ODAD4: variants seen among roughly 807,000 people sequenced by gnomAD.
The protein encoded by ODAD4 is outer dynein arm-docking complex subunit 4.
In ODAD4, 49 loss-of-function variants were observed where a neutral mutation model predicts 51.8. The observed-to-expected ratio is 0.95, with a 90% CI of 0.75 to 1.20. ODAD4 has a LOEUF of 1.20. Ranked by LOEUF, ODAD4 falls within the 50% of genes most tolerant of loss-of-function variation. The probability of loss-of-function intolerance (pLI) is 0.00; values close to 1 mark genes in which losing one functional copy is unlikely to be tolerated. For synonymous variants in ODAD4, 235 were observed against 221.3 expected (o/e 1.06, Z -0.55); for missense variants, 590 against 586.5 (o/e 1.01, Z -0.06).
intron 5 of ODAD4, chr17:41,937,131 C>A: frequency 1.7e-6 from 1 of 580,484 alleles, no homozygotes; most frequent in Non-Finnish European, 3.0e-6. Flanking sequence ...TAGGCAATGA[C>A]ATGGCTTATA....
intron 8 of ODAD4, among the ~76,000 whole-genome samples, chr17:41,946,910 G>A (rs1555639666): frequency 6.6e-6 from 1 of 151,760 alleles, no homozygotes; most frequent in Non-Finnish European, 1.5e-5. Flanking sequence ...GAGTGCAGTG[G>A]CGTGATCTCG....
intron 8 of ODAD4, among the ~76,000 whole-genome samples, chr17:41,948,321 CTTT>C (rs1259244820): frequency 7.2e-6 from 1 of 139,268 alleles, no homozygotes; most frequent in Non-Finnish European, 1.5e-5. Context: ...TCTTTCTTTC[CTTT>C]TTTTTTTTTT....
intron 8 of ODAD4, among the ~76,000 whole-genome samples, chr17:41,947,909 G>A (rs2050609056): frequency 1.3e-5 from 2 of 151,586 alleles, no homozygotes; most frequent in South Asian, 2.1e-4. Flanking sequence ...GCCTGAGGTC[G>A]GGAGTTCAAG....
chr17:41,958,992 C>T (rs553543433), intron 10 of ODAD4, among the ~76,000 whole-genome samples: 52 of 149,382 alleles, frequency 3.5e-4, no homozygotes, highest in Non-Finnish European at 3.5e-4. Flanking sequence ...CCAGCCTGGG[C>T]GACAGAGCGA....
chr17:41,956,602 A>C (rs2050737801), intron 10 of ODAD4, among the ~76,000 whole-genome samples: 1 of 151,644 alleles, frequency 6.6e-6, no homozygotes, highest in African/African-American at 2.4e-5. Flanking sequence ...CTAAAAAATA[A>C]AAAAAATTAG....
At chr17:41,943,907 G>C (rs1385081067) in intron 7 of ODAD4, among the ~76,000 whole-genome samples, 2 of 152,128 alleles carry the variant, frequency 1.3e-5, no homozygotes, top group Non-Finnish European at 2.9e-5. Flanking sequence ...TTTGAGACCA[G>C]CCTAGGAAAC....
At chr17:41,946,324 T>G (rs898310369) in intron 8 of ODAD4, among the ~76,000 whole-genome samples, 4 of 144,664 alleles carry the variant, frequency 2.8e-5, no homozygotes, top group Admixed American at 1.3e-4. Context: ...ATCACTTTTT[T>G]TTGTTTGTTT....
chr17:41,934,038 C>CTTTTTTTTTTTTTTT lies in ODAD4; in HGVS notation c.115-1172_115-1158dup, dbSNP rs782039270. On this transcript the variant is annotated intron_variant, in intron 1 of 11. Coordinates refer to ENST00000377540, the MANE Select transcript of ODAD4 (RefSeq NM_031421.5). ...CCCTTTCTTTCTTTTTTCTTTCTTT[C>CTTTTTTTTTTTTTTT]TTTTTTTTTTTTTTTTTTTTTGAGA... Among the ~76,000 whole-genome samples, 70 of 65,518 alleles carry CTTTTTTTTTTTTTTT rather than the reference C, an allele frequency of 1.1e-3. 1 individual carries two copies. Among genetic ancestry groups the CTTTTTTTTTTTTTTT allele is most frequent in the East Asian group, 2.0e-3 (4 of 2,028 alleles). 43.0% of individuals were successfully genotyped at this position (65,518 alleles called of 152,430 possible). A position where few individuals can be genotyped will look rare whatever the true frequency, so the allele number is the denominator to read the frequency against.
intron 1 of ODAD4, among the ~76,000 whole-genome samples, chr17:41,931,412 G>A (rs2050335438): frequency 6.6e-6 from 1 of 152,066 alleles, no homozygotes; most frequent in Admixed American, 6.6e-5. Context: ...ATGATTAACC[G>A]GCCTCCTTCC....
At chr17:41,935,032 AGTT>A (rs1425134999) in intron 1 of ODAD4, among the ~76,000 whole-genome samples, 182 bp from the exon 2 acceptor site, 1 of 152,062 alleles carries the variant, frequency 6.6e-6, no homozygotes, top group East Asian at 1.9e-4. Flanking sequence ...CGCAGATCGG[AGTT>A]GTTCTGCTTA....
intron 9 of ODAD4, 199 bp from the exon 10 acceptor site, chr17:41,955,018 C>T (rs782577944): frequency 2.5e-5 from 17 of 687,138 alleles, no homozygotes; most frequent in South Asian, 1.3e-4. Context: ...TCCTGGTTCT[C>T]GATGGTGACA....
chr17:41,935,488 T>C, intron 2 of ODAD4, 111 bp from the exon 3 acceptor site: 2 of 1,507,890 alleles, frequency 1.3e-6, no homozygotes, highest in Non-Finnish European at 1.8e-6. Flanking sequence ...CCTAAGTCCC[T>C]GCCCCCTGTA....
intron 11 of ODAD4, among the ~76,000 whole-genome samples, chr17:41,963,195 A>AC (rs782203772): frequency 6.6e-6 from 1 of 151,796 alleles, no homozygotes; most frequent in African/African-American, 2.4e-5. Context: ...AAGGGCTGTG[A>AC]CCCCCTGAGA....
chr17:41,938,284 C>T (rs978427730), intron 5 of ODAD4, among the ~76,000 whole-genome samples: 7 of 152,332 alleles, frequency 4.6e-5, no homozygotes, highest in South Asian at 2.1e-4. Flanking sequence ...GGCTTCTCAG[C>T]GAGCCATCCA....
chr17:41,945,013 T>C (rs2050566603), intron 7 of ODAD4, 123 bp from the exon 8 acceptor site: 1 of 708,714 alleles, frequency 1.4e-6, no homozygotes, highest in African/African-American at 1.8e-5. Context: ...CTGGACATTG[T>C]CCCTCCAACT....
intron 8 of ODAD4, among the ~76,000 whole-genome samples, chr17:41,946,170 C>T (rs183066148): frequency 7.1e-4 from 108 of 152,258 alleles, no homozygotes; most frequent in African/African-American, 2.4e-3. Flanking sequence ...GAGTGCCCCC[C>T]GAAGGTCAAG....
At chr17:41,939,216 G>C (rs782727594) in intron 7 of ODAD4, 44 bp downstream of exon 7, 6 of 1,552,072 alleles carry the variant, frequency 3.9e-6, no homozygotes, top group Non-Finnish European at 5.2e-6. Context: ...CTACGGAGAA[G>C]GACACCTGGG....
intron 1 of ODAD4, among the ~76,000 whole-genome samples, chr17:41,932,688 G>T (rs2050365267): frequency 1.3e-5 from 2 of 151,132 alleles, no homozygotes; most frequent in Admixed American, 1.3e-4. Flanking sequence ...GGAGCTACAG[G>T]CTTATGCCAC....
At position 41,945,189 on chromosome 17, in the gene ODAD4, C is replaced by T. The variant is rs1202917705; in HGVS notation, c.1112C>T (p.Ala371Val). Residue 371 changes from alanine (A) to valine (V), a missense_variant, in exon 8 of 12, where the codon GCC (alanine) becomes GTC (valine). This residue lies in a region of ODAD4 where 226 missense variants were observed against 162.7 expected (regional missense o/e 1.39). Transcript: ENST00000377540. ...RALDNIGRVFARVGKFQQAID... is the reference protein window; with the variant it reads ...RALDNIGRVFVRVGKFQQAID... The stretch of plus-strand genomic sequence containing the variant: ...CTTGACAACATTGGCAGAGTTTTTG[C>T]CAGAGTTGGGAAATTCCAGCAAGCC... The T allele has an allele frequency of 6.2e-7, 1 of 1,613,068 alleles. No individual in the cohort carries two copies. The highest frequency in any genetic ancestry group is 8.5e-7 in the Non-Finnish European group (1 of 1,179,624).
Sources: gnomAD v4.1 joint callset for allele counts (sites outside exome capture counted in the v4.1 genomes callset) on GRCh38, gnomAD v4.1.1 for gene constraint, gnomAD v4.1.1 regional missense constraint, MANE v1.5 for transcripts, NCBI Gene and HGNC (gene_info 2026-07-23, HGNC 2026-07-21) for gene names.